The following PLCE1 variants were observed in gnomAD, a reference collection of about 807,000 sequenced individuals.
The protein encoded by PLCE1 is 1-phosphatidylinositol 4,5-bisphosphate phosphodiesterase epsilon-1.
PLCE1 carries 119 observed loss-of-function variants against 242.8 expected under a neutral mutation model. The ratio of observed to expected loss-of-function variants is 0.49; its 90% CI spans 0.42 to 0.57. The LOEUF (loss-of-function observed/expected upper bound fraction) is 0.57, where lower values mean the gene tolerates loss of function less well. Ranked by LOEUF, PLCE1 falls within the 20% of genes least tolerant of loss-of-function variation. The pLI is 0.00. For synonymous variants in PLCE1, 945 were observed against 1,017.4 expected (o/e 0.93, Z 1.35); for missense variants, 2,441 against 2,788.8 (o/e 0.88, Z 2.81).
At chr10:94,187,181 T>TGTGCGC (rs368426619) in intron 4 of PLCE1, among the ~76,000 whole-genome samples, 5 of 149,154 alleles carry the variant, frequency 3.4e-5, no homozygotes, top group Non-Finnish European at 7.4e-5. Context: ...TGTGTGTGTG[T>TGTGCGC]GCGTGCACAC....
At position 94,089,167 on chromosome 10, in the gene PLCE1, T is replaced by C. The variant is rs115135156; in HGVS notation, c.1207-43007T>C. The C allele has an allele frequency of 7.5e-4, 1,209 of 1,613,998 alleles. 4 individuals carry two copies. In the African/African-American group the frequency reaches 0.015, roughly 20 times the overall value. On this transcript the variant is annotated intron_variant, in intron 2 of 32. Transcript: ENST00000371380. ...AGAGGTGAGGCAGCTCCACGTGAGATTCTGCAAAGGGATTAAGATTTGGCA... is the reference window on the plus strand; with the variant it reads ...AGAGGTGAGGCAGCTCCACGTGAGACTCTGCAAAGGGATTAAGATTTGGCA...
At chr10:94,316,161 A>G (rs2053566288) in intron 28 of PLCE1, among the ~76,000 whole-genome samples, 1 of 152,234 alleles carries the variant, frequency 6.6e-6, no homozygotes, top group Admixed American at 6.5e-5. Context: ...ATGACCGAGT[A>G]TTTCCAATGT....
intron 2 of PLCE1, among the ~76,000 whole-genome samples, chr10:94,123,168 C>T (rs552065119): frequency 3.3e-4 from 50 of 152,044 alleles, no homozygotes; most frequent in Non-Finnish European, 6.3e-4. Context: ...TTATTTCTTG[C>T]CGGAACCCAG....
intron 9 of PLCE1, 35 bp downstream of exon 9, chr10:94,252,533 A>G: frequency 5.1e-6 from 8 of 1,553,938 alleles, no homozygotes; most frequent in Non-Finnish European, 7.0e-6. Flanking sequence ...CATTAAACCC[A>G]TCTTCCAGGA....
At chr10:94,307,261 C>T (rs1427972149) in intron 26 of PLCE1, among the ~76,000 whole-genome samples, 2 of 152,172 alleles carry the variant, frequency 1.3e-5, no homozygotes, top group Non-Finnish European at 2.9e-5. Flanking sequence ...CTGGTAATAC[C>T]ATGCAGATCG....
rs755159339 is a variant in PLCE1 at position 94,246,412 on chromosome 10, G to C, written c.2887G>C (p.Gly963Arg). The stretch of plus-strand genomic sequence containing the variant: ...CACTGTGTGTGTTCAGAACAAACTG[G>C]GTAGCATGTTCCTGTCAGAGACTGG... ...IHTVCVQNKL[G>R]SMFLSETGVT... Residue 963 changes from glycine (G) to arginine (R), a missense_variant, in exon 8 of 33, where the codon GGT becomes CGT. Around this residue, in one of 5 missense-constraint regions of PLCE1, gnomAD observed 1,004 missense variants for 1,322.7 expected, o/e 0.76. Transcript: ENST00000371380. The C allele has an allele frequency of 3.1e-6, 5 of 1,614,124 alleles. No homozygotes were observed. The highest frequency in any genetic ancestry group is 4.2e-6 in the Non-Finnish European group (5 of 1,179,964).
intron 22 of PLCE1, among the ~76,000 whole-genome samples, chr10:94,287,654 G>A (rs561158102): frequency 4.3e-4 from 65 of 151,688 alleles, no homozygotes; most frequent in African/African-American, 1.5e-3. Context: ...GAATTTTTTC[G>A]ACCTGCTTTC....
chr10:94,275,178 TCTTC>T (rs1199501920), intron 19 of PLCE1, among the ~76,000 whole-genome samples: 1 of 152,120 alleles, frequency 6.6e-6, no homozygotes, highest in Non-Finnish European at 1.5e-5. Flanking sequence ...TGAGCCCAAA[TCTTC>T]CTTCCTTTTC....
intron 7 of PLCE1, among the ~76,000 whole-genome samples, chr10:94,240,729 G>C (rs944251884): frequency 6.6e-6 from 1 of 152,094 alleles, no homozygotes; most frequent in Non-Finnish European, 1.5e-5. Context: ...CATTAGACAA[G>C]TATTTATCTG....
At chr10:94,211,709 T>G (rs12769135) in intron 4 of PLCE1, among the ~76,000 whole-genome samples, 41,624 of 152,038 alleles carry the variant, frequency 0.27, 5,845 homozygotes, top group East Asian at 0.41. Context: ...TCCAATGACA[T>G]ATTGATTCTG....
chr10:94,262,317 T>C (rs138135963), intron 13 of PLCE1, among the ~76,000 whole-genome samples, 177 bp from the exon 14 acceptor site: 303 of 152,314 alleles, frequency 2.0e-3, no homozygotes, highest in African/African-American at 7.1e-3. Context: ...TATTCATTGA[T>C]TTGTTTTTTA....
At chr10:94,025,435 T>G (rs773022433) in intron 1 of PLCE1, among the ~76,000 whole-genome samples, 6 of 152,188 alleles carry the variant, frequency 3.9e-5, no homozygotes, top group Non-Finnish European at 7.3e-5. Flanking sequence ...ATGTATTCTG[T>G]GCTTAGAACA....
At chr10:94,278,300 C>T (rs1365670394) in intron 19 of PLCE1, among the ~76,000 whole-genome samples, 3 of 152,110 alleles carry the variant, frequency 2.0e-5, no homozygotes, top group Non-Finnish European at 2.9e-5. Flanking sequence ...AAAATTACAT[C>T]TTTATTTTCA....
At chr10:94,066,785 A>G (rs756302230) in intron 2 of PLCE1, among the ~76,000 whole-genome samples, 32 of 152,174 alleles carry the variant, frequency 2.1e-4, no homozygotes, top group Non-Finnish European at 4.1e-4. Flanking sequence ...TGACAAAGCT[A>G]AACTTTTGGA....
intron 4 of PLCE1, among the ~76,000 whole-genome samples, chr10:94,212,673 C>T (rs2049382438): frequency 6.6e-6 from 1 of 152,188 alleles, no homozygotes; most frequent in Non-Finnish European, 1.5e-5. Context: ...CTAGAATTTC[C>T]TGAAGTCATA....
intron 7 of PLCE1, among the ~76,000 whole-genome samples, chr10:94,237,931 C>T (rs2050376836): frequency 6.6e-6 from 1 of 152,258 alleles, no homozygotes; most frequent in South Asian, 2.1e-4. Flanking sequence ...CAAACAGCAA[C>T]CTCTAGCCCC....
At chr10:94,147,421 TGAAA>T (rs1468627908) in intron 3 of PLCE1, among the ~76,000 whole-genome samples, 1 of 147,976 alleles carries the variant, frequency 6.8e-6, no homozygotes, top group Non-Finnish European at 1.5e-5. Context: ...GACCTTGCCT[TGAAA>T]GAAAGAAAGA....
At chr10:94,041,315 TC>T (rs1564642045) in intron 2 of PLCE1, among the ~76,000 whole-genome samples, 1 of 152,154 alleles carries the variant, frequency 6.6e-6, no homozygotes, top group Admixed American at 6.5e-5. Flanking sequence ...TTGTTAGCTG[TC>T]CTCCGCCTGA....
At chr10:94,113,317 A>C (rs2046013365) in intron 2 of PLCE1, among the ~76,000 whole-genome samples, 1 of 151,760 alleles carries the variant, frequency 6.6e-6, no homozygotes, top group African/African-American at 2.4e-5. Context: ...TGAGGACTTC[A>C]CACTGAATAA....
Sources: gnomAD v4.1 joint callset for allele counts (sites outside exome capture counted in the v4.1 genomes callset) on GRCh38, gnomAD v4.1.1 for gene constraint, gnomAD v4.1.1 regional missense constraint, MANE v1.5 for transcripts, NCBI Gene and HGNC (gene_info 2026-07-23, HGNC 2026-07-21) for gene names.